ASTN2: variants seen among roughly 807,000 people sequenced by gnomAD.
ASTN2 encodes astrotactin 2.
Under a neutral mutation model 139.8 loss-of-function variants are expected in ASTN2, and 54 were observed. The observed-to-expected ratio is 0.39, with a 90% CI of 0.31 to 0.48. The LOEUF (loss-of-function observed/expected upper bound fraction) is 0.48, where lower values mean the gene tolerates loss of function less well. Ranked by LOEUF, ASTN2 falls within the 20% of genes least tolerant of loss-of-function variation. The pLI is 0.95. For synonymous variants in ASTN2, 756 were observed against 719.5 expected, an observed-to-expected ratio of 1.05 and a Z score of -0.81; for missense variants, 1,565 against 1,725.1, an observed-to-expected ratio of 0.91 and a Z score of 1.64.
intron 17 of ASTN2, among the ~76,000 whole-genome samples, chr9:116,647,709 C>T (rs1857670231): frequency 6.6e-6 from 1 of 152,194 alleles, no homozygotes; most frequent in South Asian, 2.1e-4. Context: ...GTTCACAGAG[C>T]AGTAAACAGG....
chr9:116,741,672 A>C (rs983823850), intron 13 of ASTN2, among the ~76,000 whole-genome samples: 1 of 151,972 alleles, frequency 6.6e-6, no homozygotes, highest in Admixed American at 6.6e-5. Flanking sequence ...CTGGTACAAA[A>C]CGTTTGTCTG....
intron 1 of ASTN2, among the ~76,000 whole-genome samples, chr9:117,361,995 TG>T (rs1829705077): frequency 6.6e-6 from 1 of 152,146 alleles, no homozygotes; most frequent in South Asian, 2.1e-4. Flanking sequence ...TGCTTTGAGA[TG>T]GAGTTTCATT....
intron 20 of ASTN2, among the ~76,000 whole-genome samples, chr9:116,475,347 A>C (rs1410144451): frequency 6.6e-6 from 1 of 152,056 alleles, no homozygotes; most frequent in Non-Finnish European, 1.5e-5. Context: ...CATCACTGGC[A>C]AGTTCCTCCT....
chr9:116,657,286 G>T (rs1858274595), intron 16 of ASTN2, among the ~76,000 whole-genome samples: 1 of 152,040 alleles, frequency 6.6e-6, no homozygotes, highest in African/African-American at 2.4e-5. Flanking sequence ...CAACCTAAAA[G>T]AGTTATTGTG....
At chr9:117,019,345 TGATGCTACAAAG>T (rs1361737412) in intron 6 of ASTN2, among the ~76,000 whole-genome samples, 1 of 152,170 alleles carries the variant, frequency 6.6e-6, no homozygotes, top group Non-Finnish European at 1.5e-5. Context: ...AATTATTTTA[TGATGCTACAAAG>T]GACTACATGG....
intron 11 of ASTN2, among the ~76,000 whole-genome samples, chr9:116,853,905 T>A (rs1308171509): frequency 6.6e-6 from 1 of 152,152 alleles, no homozygotes; most frequent in African/African-American, 2.4e-5. Flanking sequence ...GCACGGTTTA[T>A]AATAGACTAA....
intron 5 of ASTN2, among the ~76,000 whole-genome samples, chr9:117,086,832 C>G (rs1426244394): frequency 1.3e-5 from 2 of 152,158 alleles, no homozygotes; most frequent in African/African-American, 4.8e-5. Context: ...AGCCTCTAGT[C>G]ATGTCTTCAG....
rs1422702292 is a variant in ASTN2 at position 116,803,500 on chromosome 9, ATATATATATATATATATATATATTTTTT to A, written c.2396+2104_2396+2131del. 9.2e-3 allele frequency among the ~76,000 whole-genome samples: 131 copies of A among 14,242 alleles called. 3 individuals are homozygous for A. The highest frequency in any genetic ancestry group is 0.032 in the East Asian group (12 of 376). The allele number at this position is 14,242 out of a possible 152,430, so 9.3% of individuals were successfully genotyped here. A position where few individuals can be genotyped will look rare whatever the true frequency, so the allele number is the denominator to read the frequency against. ...TCGAATAATATATATATATATATAT[ATATATATATATATATATATATATTTTTT>A]TTTTTTTTTTTTTTTAGACGGAGTC... On this transcript the variant is annotated intron_variant, in intron 13 of 22. Transcript: ENST00000313400.
In ASTN2 at chr9:117,214,534, A is replaced by G. The variant is rs766109619; in HGVS notation, c.839T>C (p.Ile280Thr). 9.9e-6 allele frequency: 16 copies of G among 1,613,838 alleles called. No homozygotes were observed. Among genetic ancestry groups the G allele is most frequent in the Admixed American group, 3.3e-5 (2 of 60,022 alleles). ...SSRLQTHNSV[I>T]GVPIRETPIL... ...GGGAGTCTCCCGGATGGGCACGCCA[A>G]TGACGGAATTGTGGGTTTGCAGCCG... Residue 280 changes from isoleucine to threonine, a missense_variant, in exon 3 of 23, where the codon ATT (isoleucine) becomes ACT (threonine). Physicochemically the swap from Ile to Thr is moderately conservative, Grantham distance 89. This residue lies in a region of ASTN2 where 596 missense variants were observed against 576.8 expected (regional missense o/e 1.03). Coordinates refer to ENST00000313400, the MANE Select transcript of ASTN2 (RefSeq NM_001365068.1).
chr9:117,411,553 C>A (rs551398519), intron 1 of ASTN2, among the ~76,000 whole-genome samples: 2 of 151,312 alleles, frequency 1.3e-5, no homozygotes, highest in African/African-American at 4.9e-5. Flanking sequence ...ATGAAGGTGA[C>A]CTTGGTGCAC....
intron 13 of ASTN2, among the ~76,000 whole-genome samples, chr9:116,797,701 A>G (rs1335375123): frequency 6.6e-6 from 1 of 152,126 alleles, no homozygotes; most frequent in Non-Finnish European, 1.5e-5. Context: ...GCTTTTTCTT[A>G]TTTCAATGAG....
chr9:116,803,481 AATATATATATATATATATAT>A (rs1168011369), intron 13 of ASTN2, among the ~76,000 whole-genome samples: 1 of 80,110 alleles, frequency 1.2e-5, no homozygotes, highest in South Asian at 5.1e-4. Context: ...AAGTTCGAAT[AATATATATATATATATATAT>A]ATATATATAT....
intron 5 of ASTN2, among the ~76,000 whole-genome samples, chr9:117,046,955 T>G (rs1214705776): frequency 1.3e-5 from 2 of 152,210 alleles, no homozygotes; most frequent in African/African-American, 2.4e-5. Context: ...TGGCAAGGTT[T>G]GGTTCCTGCC....
intron 20 of ASTN2, among the ~76,000 whole-genome samples, chr9:116,451,044 T>C (rs1253263163): frequency 6.6e-6 from 1 of 152,118 alleles, no homozygotes; most frequent in East Asian, 1.9e-4. Context: ...TCAAGCTGTA[T>C]GAGCTAACAG....
chr9:116,712,369 A>G (rs565468243), intron 16 of ASTN2, among the ~76,000 whole-genome samples: 1 of 152,118 alleles, frequency 6.6e-6, no homozygotes, highest in African/African-American at 2.4e-5. Flanking sequence ...GATTTTTCTC[A>G]TTAAATATCT....
intron 19 of ASTN2, among the ~76,000 whole-genome samples, chr9:116,569,296 T>C (rs1352130443): frequency 6.6e-6 from 1 of 152,180 alleles, no homozygotes; most frequent in Non-Finnish European, 1.5e-5. Flanking sequence ...AAATGACAAA[T>C]ATAGTGCAGG....
chr9:116,430,580 G>A (rs1443012233), intron 22 of ASTN2, among the ~76,000 whole-genome samples: 1 of 152,202 alleles, frequency 6.6e-6, no homozygotes, highest in Non-Finnish European at 1.5e-5. Flanking sequence ...AGGCTTTAGA[G>A]TCCATAAGGG....
chr9:116,580,883 G>A (rs1265051069), intron 19 of ASTN2, among the ~76,000 whole-genome samples: 1 of 152,136 alleles, frequency 6.6e-6, no homozygotes, highest in Admixed American at 6.5e-5. Context: ...CAAGAGCTAT[G>A]TAGAAAACAA....
intron 3 of ASTN2, among the ~76,000 whole-genome samples, chr9:117,163,746 A>G (rs1373215943): frequency 6.6e-6 from 1 of 152,082 alleles, no homozygotes; most frequent in Non-Finnish European, 1.5e-5. Context: ...TTTAGTTCAC[A>G]CTTGGATTGA....
Sources: gnomAD v4.1 joint callset for allele counts (sites outside exome capture counted in the v4.1 genomes callset) on GRCh38, gnomAD v4.1.1 for gene constraint, gnomAD v4.1.1 regional missense constraint, MANE v1.5 for transcripts, NCBI Gene and HGNC (gene_info 2026-07-23, HGNC 2026-07-21) for gene names.